The following RPS6KA5 variants were observed in gnomAD, a reference collection of about 807,000 sequenced individuals.
RPS6KA5 encodes ribosomal protein S6 kinase alpha-5.
A neutral mutation model predicts 85.5 loss-of-function variants in RPS6KA5; 27 were observed. That is an observed-to-expected ratio of 0.32 (90% CI 0.23 to 0.44). The LOEUF (loss-of-function observed/expected upper bound fraction) is 0.44. RPS6KA5 is among the 20% of genes least tolerant of loss of function. The pLI is 1.00. For synonymous variants in RPS6KA5, 334 were observed against 348.2 expected (o/e 0.96, Z 0.46); for missense variants, 811 against 980.9 (o/e 0.83, Z 2.31).
chr14:90,951,002 C>G (rs1300969506), intron 3 of RPS6KA5, among the ~76,000 whole-genome samples: 1 of 151,552 alleles, frequency 6.6e-6, no homozygotes, highest in African/African-American at 2.4e-5. Context: ...CACTTGTAAT[C>G]CCAGCTACTC....
intron 15 of RPS6KA5, among the ~76,000 whole-genome samples, chr14:90,874,771 T>C (rs191941929): frequency 1.5e-3 from 227 of 152,292 alleles, no homozygotes; most frequent in Middle Eastern, 6.8e-3. Flanking sequence ...ACCGGACTGC[T>C]AGGAGCGCTG....
chr14:90,893,286 A>G (rs994859248), intron 13 of RPS6KA5, among the ~76,000 whole-genome samples: 9 of 152,228 alleles, frequency 5.9e-5, no homozygotes, highest in Non-Finnish European at 8.8e-5. Context: ...ACTATGATGA[A>G]GGAAGCAGAG....
intron 1 of RPS6KA5, among the ~76,000 whole-genome samples, chr14:91,009,612 T>G (rs1222411463): frequency 6.6e-6 from 1 of 152,112 alleles, no homozygotes; most frequent in Non-Finnish European, 1.5e-5. Context: ...GCATAAGAAA[T>G]GCAAGTCTGG....
At chr14:90,916,607 C>T (rs1045870087) in intron 7 of RPS6KA5, among the ~76,000 whole-genome samples, 2 of 151,948 alleles carry the variant, frequency 1.3e-5, no homozygotes, top group Non-Finnish European at 2.9e-5. Context: ...AGGAAAGATA[C>T]TCAGAATGAT....
chr14:90,941,435 G>A (rs74745978), intron 5 of RPS6KA5, among the ~76,000 whole-genome samples: 3,936 of 152,230 alleles, frequency 0.026, 67 homozygotes, highest in Non-Finnish European at 0.037. Flanking sequence ...CTAGAAAGCC[G>A]CCGAGGGAGT....
rs771526841 is a variant in RPS6KA5 at position 90,859,723 on chromosome 14, G to A, written c.*12351C>T. On this transcript the variant is annotated 3_prime_UTR_variant, in exon 17 of 17. Coordinates refer to ENST00000614987, the MANE Select transcript of RPS6KA5 (RefSeq NM_004755.4). ...TCCTAGAAAACGGGAGAGAGAAAAC[G>A]GATTGGAAAAAACTATTTGAAGAAT... is the stretch of plus-strand genomic sequence containing the variant. 1 of 152,120 alleles carries A rather than the reference G, an allele frequency of 6.6e-6. No homozygotes were observed. The highest frequency in any genetic ancestry group is 1.9e-4 in the East Asian group (1 of 5,186). The allele number at this position is 152,120 out of a possible 1,614,324, so 9.4% of individuals were successfully genotyped here.
chr14:90,937,223 A>G (rs1169207331), intron 5 of RPS6KA5, among the ~76,000 whole-genome samples: 1 of 152,070 alleles, frequency 6.6e-6, no homozygotes, highest in Non-Finnish European at 1.5e-5. Flanking sequence ...AAAAGTATTA[A>G]TATGCACGTC....
chr14:91,030,611 G>GAAAAA (rs58737573), intron 1 of RPS6KA5, among the ~76,000 whole-genome samples: 2 of 22,074 alleles, frequency 9.1e-5, no homozygotes, highest in South Asian at 2.5e-3. Context: ...AAAATAAACA[G>GAAAAA]AAAAAAAAAA....
At chr14:90,961,411 T>C (rs2140420504) in intron 3 of RPS6KA5, among the ~76,000 whole-genome samples, 1 of 152,282 alleles carries the variant, frequency 6.6e-6, no homozygotes, top group Admixed American at 6.5e-5. Flanking sequence ...TTTTCCCCTT[T>C]CCAACTTGGC....
chr14:90,931,394 G>T (rs1036005466), intron 5 of RPS6KA5, among the ~76,000 whole-genome samples: 5 of 152,030 alleles, frequency 3.3e-5, no homozygotes, highest in Admixed American at 6.6e-5. Context: ...CGGGGGAAAA[G>T]GTATAGAGTT....
intron 1 of RPS6KA5, among the ~76,000 whole-genome samples, chr14:91,037,332 T>C (rs902794740): frequency 3.9e-5 from 6 of 152,176 alleles, no homozygotes; most frequent in African/African-American, 1.4e-4. Flanking sequence ...CAAATCTCTG[T>C]GGATAAAGAC....
chr14:90,883,273 G>A (rs953106025), intron 14 of RPS6KA5, among the ~76,000 whole-genome samples: 1 of 151,972 alleles, frequency 6.6e-6, no homozygotes, highest in Non-Finnish European at 1.5e-5. Context: ...TGCATATGTT[G>A]GTCCTCTTGA....
intron 3 of RPS6KA5, among the ~76,000 whole-genome samples, chr14:90,960,688 A>G (rs1409184505): frequency 6.6e-6 from 1 of 152,224 alleles, no homozygotes; most frequent in Non-Finnish European, 1.5e-5. Flanking sequence ...CTCTTGATCC[A>G]TGCCAGCTTA....
chr14:90,872,422 G>C lies in RPS6KA5; in HGVS notation c.2161-100C>G. ...AGAAGACAACTTTCCATTGGCAACT[G>C]CAGCCCCAAGTTGTTTTAAGGGAAC... On this transcript the variant is annotated intron_variant, in intron 16 of 16. Transcript: ENST00000614987. 2.1e-6 allele frequency: 3 copies of C among 1,396,044 alleles called. No individual in the cohort carries two copies. In the South Asian group the frequency reaches 4.5e-5, roughly 21 times the overall value. The allele number at this position is 1,396,044 out of a possible 1,614,324, so 86.5% of individuals were successfully genotyped here. A position where few individuals can be genotyped will look rare whatever the true frequency, so the allele number is the denominator to read the frequency against.
intron 5 of RPS6KA5, among the ~76,000 whole-genome samples, chr14:90,937,813 C>T (rs934180637): frequency 2.6e-5 from 4 of 152,152 alleles, no homozygotes; most frequent in Non-Finnish European, 5.9e-5. Flanking sequence ...AACTTGCCCC[C>T]ATGATTCAAT....
rs1475885060 is a variant in RPS6KA5, at chr14:90,874,420, G to A, written c.1997-625C>T. ...GAGGATTAAGAGCATGTAAAGACAC[G>A]GAGGGATCTGAAAGCTCAGCATATC... On this transcript the variant is annotated intron_variant, in intron 15 of 16. Coordinates refer to ENST00000614987, the MANE Select transcript of RPS6KA5 (RefSeq NM_004755.4). 3.9e-5 allele frequency among the ~76,000 whole-genome samples: 6 copies of A among 152,150 alleles called. No individual in the cohort carries two copies. The East Asian group carries it at 5.8e-4, about 15-fold the overall frequency.
In RPS6KA5 at chr14:90,921,748, G is replaced by C. The variant is rs1486569307; in HGVS notation, c.702+1365C>G. Reference sequence around the variant, plus strand: ...TTGAAGAACATGCTTTTAAATACATGATTAGTCGTCAGGAAGGAGACCAAA... The same window carrying C: ...TTGAAGAACATGCTTTTAAATACATCATTAGTCGTCAGGAAGGAGACCAAA... On this transcript the variant is annotated intron_variant, in intron 6 of 16. Transcript: ENST00000614987. 2.0e-5 allele frequency among the ~76,000 whole-genome samples: 3 copies of C among 152,282 alleles called. No homozygotes were observed. The East Asian group carries it at 5.8e-4, about 29-fold the overall frequency.
chr14:90,950,734 T>G (rs925401172), intron 3 of RPS6KA5, among the ~76,000 whole-genome samples: 1 of 152,222 alleles, frequency 6.6e-6, no homozygotes, highest in Admixed American at 6.5e-5. Flanking sequence ...CTGTGATAGA[T>G]TCCACTTGGC....
chr14:90,885,741 C>CAAAAAAAAAAAA, intron 14 of RPS6KA5, among the ~76,000 whole-genome samples: 28 of 27,888 alleles, frequency 1.0e-3, no homozygotes, highest in African/African-American at 2.3e-3. Flanking sequence ...GACTCCATCT[C>CAAAAAAAAAAAA]AAAAAAAAAA....
Sources: gnomAD v4.1 joint callset for allele counts (sites outside exome capture counted in the v4.1 genomes callset) on GRCh38, gnomAD v4.1.1 for gene constraint, MANE v1.5 for transcripts, NCBI Gene and HGNC (gene_info 2026-07-23, HGNC 2026-07-21) for gene names.